MYOCD: variants seen among roughly 807,000 people sequenced by gnomAD.
MYOCD encodes myocardin.
Under a neutral mutation model 96.1 loss-of-function variants are expected in MYOCD, and 32 were observed. The observed-to-expected ratio is 0.33, with a 90% CI of 0.25 to 0.45. The LOEUF (loss-of-function observed/expected upper bound fraction) is 0.45. MYOCD is among the 20% of genes least tolerant of loss of function. The pLI is 1.00. For synonymous variants in MYOCD, 469 were observed against 469.0 expected (o/e 1.00, Z 0.00); for missense variants, 1,133 against 1,200.6 (o/e 0.94, Z 0.83).
chr17:12,697,357 A>AT (rs1323722614), intron 1 of MYOCD, among the ~76,000 whole-genome samples: 77 of 86,980 alleles, frequency 8.9e-4, no homozygotes, highest in Non-Finnish European at 1.3e-3. Flanking sequence ...ATATATATAT[A>AT]TATTTTTTTT....
chr17:12,767,277 A>G lies in MYOCD; in HGVS notation c.*3633A>G, dbSNP rs1300874767. The G allele has an allele frequency of 6.6e-6, 1 of 152,212 alleles. No individual in the cohort carries two copies. The highest frequency in any genetic ancestry group is 1.5e-5 in the Non-Finnish European group (1 of 68,038). The allele number at this position is 152,212 out of a possible 1,614,324, so 9.4% of individuals were successfully genotyped here. ...GAGAACTGTCAGCCTTTTGCCATTC[A>G]AAAACATTTATGTCCAACCTGAAAA... is the stretch of plus-strand genomic sequence containing the variant. On this transcript the variant is annotated 3_prime_UTR_variant, in exon 14 of 14. Transcript: ENST00000425538.
At chr17:12,742,235 G>A (rs986557833) in intron 7 of MYOCD, among the ~76,000 whole-genome samples, 5 of 152,122 alleles carry the variant, frequency 3.3e-5, no homozygotes, top group African/African-American at 7.2e-5. Flanking sequence ...AGAGAGAAAC[G>A]GAGCCACCAA....
intron 5 of MYOCD, among the ~76,000 whole-genome samples, chr17:12,728,856 A>G (rs926337392): frequency 3.3e-5 from 5 of 152,218 alleles, no homozygotes; most frequent in African/African-American, 1.2e-4. Context: ...TTTTATCACC[A>G]TGACCGTTTC....
chr17:12,671,174 C>T (rs2150626906), intron 1 of MYOCD, among the ~76,000 whole-genome samples: 1 of 152,298 alleles, frequency 6.6e-6, no homozygotes. Context: ...TAGCACCTAA[C>T]ATAGTTTATA....
chr17:12,717,438 T>C lies in MYOCD; in HGVS notation c.253+17T>C. 1 of 1,606,104 alleles carries C rather than the reference T, an allele frequency of 6.2e-7. No individual in the cohort carries two copies. The highest frequency in any genetic ancestry group is 2.2e-5 in the East Asian group (1 of 44,822). On this transcript the variant is annotated intron_variant, in intron 4 of 13. Coordinates refer to ENST00000425538, the MANE Select transcript of MYOCD (RefSeq NM_001146312.3). ...TACTCCAAGGTAAGGCTGCAAGAAATCAGACACCAAGAGATGCTGCAGAAT... is the reference window on the plus strand; with the variant it reads ...TACTCCAAGGTAAGGCTGCAAGAAACCAGACACCAAGAGATGCTGCAGAAT...
intron 1 of MYOCD, among the ~76,000 whole-genome samples, chr17:12,691,327 G>A (rs759769864): frequency 6.6e-6 from 1 of 152,168 alleles, no homozygotes; most frequent in Non-Finnish European, 1.5e-5. Flanking sequence ...AACATAAAGT[G>A]TTTTGCAATC....
chr17:12,744,307 C>A lies in MYOCD; in HGVS notation c.842C>A (p.Pro281His). The A allele has an allele frequency of 6.2e-7, 1 of 1,614,214 alleles. No homozygotes were observed. The highest frequency in any genetic ancestry group is 1.1e-5 in the South Asian group (1 of 91,080). Residue 281 changes from proline (P) to histidine (H), a missense_variant, in exon 8 of 14, where the codon CCT (proline) becomes CAT (histidine). Physicochemically the swap from Pro to His is moderately conservative, Grantham distance 77. Coordinates refer to ENST00000425538, the MANE Select transcript of MYOCD (RefSeq NM_001146312.3). ...CAGAAGGCAGAGAAGTCCCCTCCACCTATGGACTCAGCCTACGCTCGGCTG... is the reference window on the plus strand; with the variant it reads ...CAGAAGGCAGAGAAGTCCCCTCCACATATGGACTCAGCCTACGCTCGGCTG... ...PDQKAEKSPPPMDSAYARLLQ... is the reference protein window; with the variant it reads ...PDQKAEKSPPHMDSAYARLLQ...
At chr17:12,741,736 A>G (rs1254108022) in intron 7 of MYOCD, among the ~76,000 whole-genome samples, 1 of 151,890 alleles carries the variant, frequency 6.6e-6, no homozygotes, top group Non-Finnish European at 1.5e-5. Flanking sequence ...AAAAATTAGC[A>G]AAGCCTTCAA....
Position 12,763,667 on chromosome 17 carries a change from T to G in MYOCD, c.*23T>G. On this transcript the variant is annotated 3_prime_UTR_variant, in exon 14 of 14. Coordinates refer to ENST00000425538, the MANE Select transcript of MYOCD (RefSeq NM_001146312.3). ...TAGAATGCCCAATGCACCAGTGCTA[T>G]GGAAGACCAATGGAGTTCCATGGGG... The G allele has an allele frequency of 1.9e-6, 3 of 1,581,390 alleles. No individual in the cohort carries two copies. Among genetic ancestry groups the G allele is most frequent in the Non-Finnish European group, 2.6e-6 (3 of 1,161,092 alleles).
chr17:12,704,986 A>T, intron 1 of MYOCD, 142 bp from the exon 2 acceptor site: 1 of 640,418 alleles, frequency 1.6e-6, no homozygotes, highest in Non-Finnish European at 2.8e-6. Context: ...CACTGTGTCT[A>T]CAACAGAAAT....
chr17:12,696,597 C>T (rs1056530397), intron 1 of MYOCD, among the ~76,000 whole-genome samples: 4 of 152,202 alleles, frequency 2.6e-5, no homozygotes, highest in Middle Eastern at 3.4e-3. Flanking sequence ...GTTTTATGGA[C>T]GGTAGCCATC....
intron 5 of MYOCD, among the ~76,000 whole-genome samples, chr17:12,733,848 A>G (rs1436394663): frequency 2.0e-5 from 3 of 149,806 alleles, no homozygotes; most frequent in Non-Finnish European, 3.0e-5. Flanking sequence ...CCTGGGTGAC[A>G]GAGCAAGACT....
intron 2 of MYOCD, among the ~76,000 whole-genome samples, chr17:12,706,455 A>G (rs750605270): frequency 6.6e-6 from 1 of 152,226 alleles, no homozygotes; most frequent in Non-Finnish European, 1.5e-5. Context: ...CTGATAATCT[A>G]TCCCTTCACC....
chr17:12,697,742 AT>A (rs1239909740), intron 1 of MYOCD, among the ~76,000 whole-genome samples: 2 of 152,068 alleles, frequency 1.3e-5, no homozygotes, highest in Non-Finnish European at 2.9e-5. Flanking sequence ...AACATTTAGT[AT>A]TTTTGCTGCT....
chr17:12,706,709 A>G (rs756719628), intron 2 of MYOCD, among the ~76,000 whole-genome samples: 2 of 152,236 alleles, frequency 1.3e-5, no homozygotes, highest in South Asian at 4.1e-4. Flanking sequence ...ACATTGTAAA[A>G]TAACACCTAT....
intron 5 of MYOCD, among the ~76,000 whole-genome samples, chr17:12,733,881 G>C (rs9904257): frequency 7.0e-6 from 1 of 143,080 alleles, no homozygotes; most frequent in South Asian, 2.2e-4. Context: ...AAAGAAAAAA[G>C]AAAAAAAGAA....
intron 1 of MYOCD, among the ~76,000 whole-genome samples, chr17:12,694,881 C>CAAAAAAAAAAAAAAAAAAA (rs201215491): frequency 4.3e-5 from 3 of 69,650 alleles, no homozygotes; most frequent in East Asian, 4.4e-4. Context: ...AAGGAATAAC[C>CAAAAAAAAAAAAAAAAAAA]AAAAAAAAAA....
intron 4 of MYOCD, 82 bp downstream of exon 4, chr17:12,717,503 T>G: frequency 9.0e-7 from 1 of 1,113,930 alleles, no homozygotes. Context: ...TCTGTACAGT[T>G]GCTAAGCCCT....
intron 7 of MYOCD, among the ~76,000 whole-genome samples, chr17:12,741,695 G>A (rs900502865): frequency 7.3e-6 from 1 of 137,176 alleles, no homozygotes; most frequent in Non-Finnish European, 1.6e-5. Flanking sequence ...GGTCGACAGA[G>A]CGAGACTCTG....
Sources: allele counts gnomAD v4.1 joint callset (sites outside exome capture counted in the v4.1 genomes callset), GRCh38; gene constraint gnomAD v4.1.1; transcripts MANE v1.5; gene names NCBI Gene and HGNC (gene_info 2026-07-23, HGNC 2026-07-21).